Variants in DAB1 observed in about 807,000 individuals in gnomAD.
DAB1 encodes the protein DAB adaptor protein 1.
A neutral mutation model predicts 64.6 loss-of-function variants in DAB1; 15 were observed. The ratio of observed to expected loss-of-function variants is 0.23; its 90% CI spans 0.16 to 0.36. The LOEUF is 0.36. Ranked by LOEUF, DAB1 falls within the 10% of genes least tolerant of loss-of-function variation. DAB1 has a pLI of 1.00. For synonymous variants in DAB1, 235 were observed against 251.9 expected, an observed-to-expected ratio of 0.93 and a Z score of 0.64; for missense variants, 596 against 706.7, an observed-to-expected ratio of 0.84 and a Z score of 1.78.
At chr1:58,527,061 T>C (rs948152999) in intron 2 of DAB1, among the ~76,000 whole-genome samples, 16 of 152,140 alleles carry the variant, frequency 1.1e-4, no homozygotes, top group Middle Eastern at 3.2e-3. Context: ...GCTTCAAATA[T>C]AGAAGGGAAT....
At chr1:57,981,966 C>T (rs1442167370) in intron 5 of DAB1, among the ~76,000 whole-genome samples, 1 of 152,170 alleles carries the variant, frequency 6.6e-6, no homozygotes, top group East Asian at 1.9e-4. Context: ...CATGCCATCA[C>T]TAGTTTCTAT....
chr1:58,546,375 G>A (rs969964634), intron 1 of DAB1, among the ~76,000 whole-genome samples: 2 of 152,208 alleles, frequency 1.3e-5, no homozygotes, highest in Non-Finnish European at 2.9e-5. Flanking sequence ...CTGAGGGGGA[G>A]GGCAGGCGGC....
chr1:57,949,712 C>T lies in DAB1; in HGVS notation n.388-65550G>A, dbSNP rs139846583. On this transcript the variant is annotated intron_variant and non_coding_transcript_variant, in intron 5 of 20. Coordinates refer to the DAB1 transcript ENST00000485760. Reference sequence around the variant, plus strand: ...ACATTATTTTTCCAAGATTCACCTACATTTTTGCAGGTAGCCATAATTCAT... The same window carrying T: ...ACATTATTTTTCCAAGATTCACCTATATTTTTGCAGGTAGCCATAATTCAT... Among the ~76,000 whole-genome samples the T allele has an allele frequency of 1.8e-4, 28 of 152,264 alleles. No homozygotes were observed. In the East Asian group the frequency reaches 5.0e-3, roughly 27 times the overall value.
intron 3 of DAB1, among the ~76,000 whole-genome samples, chr1:58,375,256 G>A (rs1295828714): frequency 6.8e-6 from 1 of 146,416 alleles, no homozygotes; most frequent in African/African-American, 2.5e-5. Context: ...CCTGTCTTGT[G>A]CCAGTTTTTA....
At position 58,324,357 on chromosome 1, in the gene DAB1, T is replaced by G. The variant is rs1005267006; in HGVS notation, n.309+18995A>C. ...AATCTATTCATAAAAATTATTTGTA[T>G]GAATATCTTCGGGTCTCAGCTCTTC... is the stretch of plus-strand genomic sequence containing the variant. On this transcript the variant is annotated intron_variant and non_coding_transcript_variant, in intron 4 of 20. Coordinates refer to the DAB1 transcript ENST00000485760. Among the ~76,000 whole-genome samples the G allele has an allele frequency of 3.9e-5, 6 of 152,224 alleles. No homozygotes were observed. The East Asian group carries it at 1.2e-3, about 29-fold the overall frequency.
intron 5 of DAB1, among the ~76,000 whole-genome samples, chr1:57,923,894 C>T (rs1644843091): frequency 6.6e-6 from 1 of 152,144 alleles, no homozygotes; most frequent in African/African-American, 2.4e-5. Flanking sequence ...AAATTTCATG[C>T]AAATGCAAGT....
At chr1:57,994,152 A>G (rs1310285888) in intron 5 of DAB1, among the ~76,000 whole-genome samples, 1 of 152,202 alleles carries the variant, frequency 6.6e-6, no homozygotes, top group African/African-American at 2.4e-5. Context: ...GGACAAAGGG[A>G]GTAAAGTGTA....
At chr1:57,480,995 A>C (rs1272930824) in intron 7 of DAB1, among the ~76,000 whole-genome samples, 1 of 152,152 alleles carries the variant, frequency 6.6e-6, no homozygotes, top group Non-Finnish European at 1.5e-5. Context: ...AAGGCCTATA[A>C]ATCAGCACAA....
chr1:57,304,562 C>A (rs1429915296), intron 1 of DAB1, among the ~76,000 whole-genome samples: 1 of 152,186 alleles, frequency 6.6e-6, no homozygotes, highest in African/African-American at 2.4e-5. Context: ...AGTCTTTGAG[C>A]CTCCCTTTCT....
At chr1:58,285,771 T>C (rs1661665417) in intron 4 of DAB1, among the ~76,000 whole-genome samples, 1 of 152,180 alleles carries the variant, frequency 6.6e-6, no homozygotes, top group African/African-American at 2.4e-5. Flanking sequence ...ATGCTATTCC[T>C]ATTACACTAT....
At chr1:57,979,591 A>C (rs1646012431) in intron 5 of DAB1, among the ~76,000 whole-genome samples, 1 of 152,240 alleles carries the variant, frequency 6.6e-6, no homozygotes, top group Admixed American at 6.5e-5. Context: ...ACATAAATAA[A>C]ATAAAATAAG....
At chr1:58,288,216 A>G (rs1661737934) in intron 4 of DAB1, among the ~76,000 whole-genome samples, 1 of 152,116 alleles carries the variant, frequency 6.6e-6, no homozygotes, top group Non-Finnish European at 1.5e-5. Flanking sequence ...TTATGTCTGG[A>G]ACAACTTTAA....
chr1:57,535,216 G>T (rs760117584), intron 7 of DAB1, among the ~76,000 whole-genome samples: 7 of 152,076 alleles, frequency 4.6e-5, no homozygotes, highest in Non-Finnish European at 1.0e-4. Context: ...CGCATTTATT[G>T]TCTATCTTTC....
chr1:58,225,829 A>T (rs1327397091), intron 4 of DAB1, among the ~76,000 whole-genome samples: 1 of 86,662 alleles, frequency 1.2e-5, no homozygotes. Context: ...GGGAGGGGGG[A>T]GGGATAGCAT....
At chr1:57,818,333 C>A (rs547411711) in intron 6 of DAB1, among the ~76,000 whole-genome samples, 4 of 152,206 alleles carry the variant, frequency 2.6e-5, no homozygotes, top group Non-Finnish European at 4.4e-5. Context: ...AGTCTCACTA[C>A]ACTTCTAACG....
chr1:58,509,194 G>A (rs772544030), intron 2 of DAB1, among the ~76,000 whole-genome samples: 25 of 151,964 alleles, frequency 1.6e-4, no homozygotes, highest in Non-Finnish European at 2.6e-4. Flanking sequence ...AAAGGATGAA[G>A]ATAAATCTTC....
intron 4 of DAB1, among the ~76,000 whole-genome samples, chr1:58,222,429 C>A (rs1659224743): frequency 6.6e-6 from 1 of 152,212 alleles, no homozygotes; most frequent in Non-Finnish European, 1.5e-5. Flanking sequence ...TTCCTGGGCA[C>A]TAACAATCCA....
intron 5 of DAB1, among the ~76,000 whole-genome samples, chr1:58,029,304 T>G (rs1003547047): frequency 6.6e-6 from 1 of 152,204 alleles, no homozygotes; most frequent in Admixed American, 6.5e-5. Context: ...GTACTTACAG[T>G]ATATTTTAGT....
intron 4 of DAB1, among the ~76,000 whole-genome samples, chr1:57,094,725 A>G (rs1654000855): frequency 6.6e-6 from 1 of 152,178 alleles, no homozygotes; most frequent in African/African-American, 2.4e-5. Context: ...AGACCCACTG[A>G]AGGATCTTAT....
Sources: allele counts gnomAD v4.1 joint callset (sites outside exome capture counted in the v4.1 genomes callset), GRCh38; gene constraint gnomAD v4.1.1; transcripts MANE v1.5; gene names NCBI Gene and HGNC (gene_info 2026-07-23, HGNC 2026-07-21).